Variants in ZNF385B observed in about 807,000 individuals in gnomAD.
ZNF385B encodes zinc finger protein 533.
ZNF385B carries 23 observed loss-of-function variants against 39.2 expected under a neutral mutation model. That is an observed-to-expected ratio of 0.59 (90% CI 0.42 to 0.83). ZNF385B has a LOEUF of 0.83. Among genes scored for constraint, ZNF385B ranks in the 40% least tolerant of loss-of-function variants. The pLI is 0.00. For synonymous variants in ZNF385B, 205 were observed against 222.6 expected, an observed-to-expected ratio of 0.92 and a Z score of 0.70; for missense variants, 552 against 598.9, an observed-to-expected ratio of 0.92 and a Z score of 0.82.
intron 3 of ZNF385B, among the ~76,000 whole-genome samples, chr2:179,752,062 T>C (rs1283750803): frequency 2.0e-5 from 3 of 152,128 alleles, no homozygotes; most frequent in Admixed American, 6.6e-5. Flanking sequence ...ATTAGGTATA[T>C]CTCCTAATGT....
chr2:179,841,883 G>C (rs1708554449), intron 1 of ZNF385B, among the ~76,000 whole-genome samples: 1 of 152,134 alleles, frequency 6.6e-6, no homozygotes, highest in South Asian at 2.1e-4. Flanking sequence ...AATGGCAATG[G>C]ACGCCTGAGA....
intron 3 of ZNF385B, among the ~76,000 whole-genome samples, chr2:179,756,584 G>A (rs1703037545): frequency 6.6e-6 from 1 of 152,188 alleles, no homozygotes; most frequent in Non-Finnish European, 1.5e-5. Flanking sequence ...TTTCCAACTT[G>A]CTTCCATTCT....
chr2:179,855,396 CTTG>C (rs1684512073), intron 1 of ZNF385B, among the ~76,000 whole-genome samples: 1 of 151,958 alleles, frequency 6.6e-6, no homozygotes, highest in Non-Finnish European at 1.5e-5. Flanking sequence ...ATCTTTTTTA[CTTG>C]TTGATGATAG....
chr2:179,675,416 C>T (rs1414914672), intron 3 of ZNF385B, among the ~76,000 whole-genome samples: 1 of 152,180 alleles, frequency 6.6e-6, no homozygotes, highest in African/African-American at 2.4e-5. Context: ...CAAGGGTCAA[C>T]TGTATTTGCT....
chr2:179,538,093 T>A (rs2059698859), intron 4 of ZNF385B, among the ~76,000 whole-genome samples: 1 of 152,088 alleles, frequency 6.6e-6, no homozygotes, highest in South Asian at 2.1e-4. Context: ...AACTCAACCA[T>A]ATTTTCTTTT....
intron 4 of ZNF385B, among the ~76,000 whole-genome samples, chr2:179,526,616 G>GA (rs145973652): frequency 0.046 from 6,953 of 150,904 alleles, 521 homozygotes; most frequent in African/African-American, 0.16. Flanking sequence ...GAGAAATAAA[G>GA]AAAAAAAAAT....
chr2:179,782,548 G>T (rs1346500828), intron 1 of ZNF385B, among the ~76,000 whole-genome samples: 2 of 152,222 alleles, frequency 1.3e-5, no homozygotes, highest in South Asian at 2.1e-4. Flanking sequence ...CAAACTATCT[G>T]TTTGCAGATG....
At chr2:179,836,513 C>CTTTTTTTTTTTTTTTT (rs755278598) in intron 1 of ZNF385B, among the ~76,000 whole-genome samples, 1 of 124,178 alleles carries the variant, frequency 8.1e-6, no homozygotes. Context: ...CTTGCGTTTT[C>CTTTTTTTTTTTTTTTT]TTTTTTTTTT....
intron 3 of ZNF385B, among the ~76,000 whole-genome samples, chr2:179,734,472 CATCT>C (rs1701611767): frequency 6.6e-6 from 1 of 152,158 alleles, no homozygotes; most frequent in Non-Finnish European, 1.5e-5. Flanking sequence ...TGATCTTATC[CATCT>C]GACAGGTAAG....
intron 3 of ZNF385B, among the ~76,000 whole-genome samples, chr2:179,717,149 A>G (rs982712704): frequency 2.0e-5 from 3 of 152,246 alleles, no homozygotes; most frequent in African/African-American, 7.2e-5. Context: ...AAAAAAAATT[A>G]GAACAAAAGT....
chr2:179,572,811 G>A (rs2106002598), intron 3 of ZNF385B, among the ~76,000 whole-genome samples: 1 of 152,020 alleles, frequency 6.6e-6, no homozygotes, highest in African/African-American at 2.4e-5. Flanking sequence ...GTGCTAGACT[G>A]TATGGTCCTC....
At chr2:179,582,749 A>AT (rs1686673755) in intron 3 of ZNF385B, among the ~76,000 whole-genome samples, 1 of 152,234 alleles carries the variant, frequency 6.6e-6, no homozygotes, top group Non-Finnish European at 1.5e-5. Flanking sequence ...AATTACAAAG[A>AT]TAGTAAACAG....
intron 3 of ZNF385B, among the ~76,000 whole-genome samples, chr2:179,590,855 C>T (rs912323770): frequency 2.6e-5 from 4 of 152,152 alleles, no homozygotes; most frequent in Admixed American, 2.6e-4. Flanking sequence ...TGTAAGTTTC[C>T]TGAGGCTTCC....
chr2:179,506,810 T>C (rs1267768769), intron 5 of ZNF385B, among the ~76,000 whole-genome samples: 1 of 152,030 alleles, frequency 6.6e-6, no homozygotes, highest in Non-Finnish European at 1.5e-5. Context: ...GAGGAAGGAG[T>C]ATTAAAAATG....
chr2:179,764,004 C>A (rs893657245), intron 3 of ZNF385B, among the ~76,000 whole-genome samples: 1 of 152,044 alleles, frequency 6.6e-6, no homozygotes, highest in African/African-American at 2.4e-5. Flanking sequence ...TGTTCAGATC[C>A]TCTATATTCT....
At chr2:179,776,248 T>C (rs976374925) in intron 1 of ZNF385B, among the ~76,000 whole-genome samples, 1 of 152,124 alleles carries the variant, frequency 6.6e-6, no homozygotes, top group Non-Finnish European at 1.5e-5. Flanking sequence ...TACCAGAAGA[T>C]TGACAGGGGG....
intron 5 of ZNF385B, among the ~76,000 whole-genome samples, chr2:179,493,627 A>G (rs1400374220): frequency 1.8e-5 from 2 of 112,460 alleles, no homozygotes; most frequent in South Asian, 2.9e-4. Flanking sequence ...ATATATGTAT[A>G]CGCATATGTA....
At chr2:179,723,748 A>G (rs1700833906) in intron 3 of ZNF385B, among the ~76,000 whole-genome samples, 1 of 152,172 alleles carries the variant, frequency 6.6e-6, no homozygotes, top group Admixed American at 6.5e-5. Flanking sequence ...AAGGGGCTAG[A>G]TACATTGATG....
At chr2:179,589,696 T>G (rs950676590) in intron 3 of ZNF385B, among the ~76,000 whole-genome samples, 3 of 152,178 alleles carry the variant, frequency 2.0e-5, no homozygotes, top group African/African-American at 7.2e-5. Flanking sequence ...AAGTCTCACT[T>G]TACCTCACTA....
Sources: allele counts gnomAD v4.1 joint callset (sites outside exome capture counted in the v4.1 genomes callset), GRCh38; gene constraint gnomAD v4.1.1; transcripts MANE v1.5; gene names NCBI Gene and HGNC (gene_info 2026-07-23, HGNC 2026-07-21).